ADAMTSL1: variants seen among roughly 807,000 people sequenced by gnomAD.
ADAMTSL1 encodes the protein ADAMTS like 1.
In ADAMTSL1, 126 loss-of-function variants were observed where a neutral mutation model predicts 201.8. The observed-to-expected ratio is 0.62, with a 90% confidence interval of 0.54 to 0.72. ADAMTSL1 has a LOEUF of 0.72. Among genes scored for constraint, ADAMTSL1 ranks in the 30% least tolerant of loss-of-function variants. The pLI, the probability that ADAMTSL1 is intolerant of heterozygous loss-of-function variation, is 0.00. For synonymous variants in ADAMTSL1, 1,121 were observed against 903.4 expected, an observed-to-expected ratio of 1.24 and a Z score of -4.32; for missense variants, 2,679 against 2,277.8, an observed-to-expected ratio of 1.18 and a Z score of -3.59.
At chr9:18,297,397 C>G (rs75857724) in intron 2 of ADAMTSL1, among the ~76,000 whole-genome samples, 135 of 151,386 alleles carry the variant, frequency 8.9e-4, no homozygotes, top group African/African-American at 3.2e-3. Context: ...CTGAAAATAG[C>G]CTACCAAAGA....
chr9:18,032,987 A>G (rs1358180415), intron 1 of ADAMTSL1, among the ~76,000 whole-genome samples: 3 of 152,080 alleles, frequency 2.0e-5, no homozygotes, highest in African/African-American at 7.2e-5. Flanking sequence ...TTCGAAATGT[A>G]ATCGTTTACT....
At chr9:18,828,274 A>G (rs1824720916) in intron 22 of ADAMTSL1, among the ~76,000 whole-genome samples, 1 of 152,150 alleles carries the variant, frequency 6.6e-6, no homozygotes, top group Non-Finnish European at 1.5e-5. Context: ...GAAAAGGAAA[A>G]TTACTTTCAA....
intron 4 of ADAMTSL1, among the ~76,000 whole-genome samples, chr9:18,602,524 T>C (rs560081597): frequency 6.6e-6 from 1 of 152,326 alleles, no homozygotes; most frequent in South Asian, 2.1e-4. Context: ...CTAATCTGGT[T>C]CTGATTTTGG....
chr9:18,774,113 C>T (rs1820845278), intron 17 of ADAMTSL1, among the ~76,000 whole-genome samples: 3 of 152,160 alleles, frequency 2.0e-5, no homozygotes, highest in African/African-American at 7.2e-5. Flanking sequence ...GTGGCACACT[C>T]CCACAGCCCT....
intron 1 of ADAMTSL1, among the ~76,000 whole-genome samples, chr9:17,935,165 C>G (rs936284669): frequency 6.6e-6 from 1 of 152,072 alleles, no homozygotes; most frequent in Non-Finnish European, 1.5e-5. Flanking sequence ...AGCTCTCCAT[C>G]CTCATTTCAC....
Position 18,661,921 on chromosome 9 carries a change from G to A in ADAMTSL1, c.947-14G>A. On this transcript the variant is annotated splice_polypyrimidine_tract_variant and intron_variant, in intron 8 of 28. Transcript: ENST00000380548. ...ATGTACATTTAAACTTGCCTGGATG[G>A]TTTGATACTACAGGTTATCAGCTGA... 1 of 1,609,768 alleles carries A rather than the reference G, an allele frequency of 6.2e-7. No individual in the cohort carries two copies. Among genetic ancestry groups the A allele is most frequent in the Non-Finnish European group, 8.5e-7 (1 of 1,178,470 alleles).
intron 13 of ADAMTSL1, among the ~76,000 whole-genome samples, chr9:18,700,685 A>C (rs1178236304): frequency 6.6e-6 from 1 of 152,164 alleles, no homozygotes; most frequent in Admixed American, 6.5e-5. Flanking sequence ...TTTACCAGTA[A>C]AGTATGTAAA....
intron 1 of ADAMTSL1, among the ~76,000 whole-genome samples, chr9:18,130,856 C>A (rs994444747): frequency 4.6e-5 from 7 of 152,066 alleles, no homozygotes; most frequent in African/African-American, 1.7e-4. Flanking sequence ...CAGGGCAGTC[C>A]ACCAGTGGTT....
At chr9:18,535,748 A>T (rs1444250556) in intron 3 of ADAMTSL1, among the ~76,000 whole-genome samples, 1 of 152,234 alleles carries the variant, frequency 6.6e-6, no homozygotes, top group Non-Finnish European at 1.5e-5. Context: ...TTCTTCACAG[A>T]TGTCAGGAGA....
intron 23 of ADAMTSL1, among the ~76,000 whole-genome samples, chr9:18,848,757 G>T (rs1302231673): frequency 6.6e-6 from 1 of 152,186 alleles, no homozygotes; most frequent in Non-Finnish European, 1.5e-5. Context: ...TGGCTATAAG[G>T]CCCCTGTTGC....
At chr9:18,584,264 C>T (rs781140863) in intron 4 of ADAMTSL1, among the ~76,000 whole-genome samples, 2 of 151,896 alleles carry the variant, frequency 1.3e-5, no homozygotes, top group African/African-American at 4.8e-5. Flanking sequence ...ATGAGTCTCA[C>T]GATATCTGAT....
chr9:18,495,483 T>G (rs9650689), intron 1 of ADAMTSL1, among the ~76,000 whole-genome samples: 2,178 of 152,274 alleles, frequency 0.014, 30 homozygotes, highest in Non-Finnish European at 0.022. Flanking sequence ...ACCTCCTAGA[T>G]AGCTAAGAGA....
In ADAMTSL1 at chr9:17,911,206, C is replaced by T. The variant is rs1369179634; in HGVS notation, c.87+4284C>T. Among the ~76,000 whole-genome samples the T allele has an allele frequency of 2.9e-5, 2 of 68,566 alleles. 1 individual carries two copies. The highest frequency in any genetic ancestry group is 8.9e-5 in the Non-Finnish European group (2 of 22,358). 45.0% of individuals were successfully genotyped at this position (68,566 alleles called of 152,430 possible). A position where few individuals can be genotyped will look rare whatever the true frequency, so the allele number is the denominator to read the frequency against. On this transcript the variant is annotated intron_variant, in intron 1 of 29. Transcript: ENST00000680146. Reference sequence around the variant, plus strand: ...ACTTCTTAAAGGATTCTTTTCTTTCCTTGCAACTTAAAGGCAACTCATTCC... The same window carrying T: ...ACTTCTTAAAGGATTCTTTTCTTTCTTTGCAACTTAAAGGCAACTCATTCC...
intron 1 of ADAMTSL1, among the ~76,000 whole-genome samples, chr9:18,159,440 C>T (rs1325829228): frequency 1.3e-5 from 2 of 151,992 alleles, no homozygotes; most frequent in Non-Finnish European, 2.9e-5. Flanking sequence ...CACAGCTCTT[C>T]CTCCTAGCCT....
chr9:18,546,658 G>A (rs1184642383), intron 3 of ADAMTSL1, among the ~76,000 whole-genome samples: 1 of 151,974 alleles, frequency 6.6e-6, no homozygotes, highest in Non-Finnish European at 1.5e-5. Context: ...ATATGACTAG[G>A]ATTTATTTAC....
intron 26 of ADAMTSL1, among the ~76,000 whole-genome samples, chr9:18,902,712 TAAACCTAACGCTAGCAGAAG>T (rs1278483294): frequency 1.3e-5 from 2 of 151,952 alleles, no homozygotes; most frequent in Non-Finnish European, 2.9e-5. Context: ...ATGAGCAAAC[TAAACCTAACGCTAGCAGAAG>T]AGGATAATAA....
intron 1 of ADAMTSL1, among the ~76,000 whole-genome samples, chr9:17,983,017 C>G (rs1474447779): frequency 1.3e-5 from 2 of 149,704 alleles, no homozygotes; most frequent in African/African-American, 2.5e-5. Context: ...TACTTCCTCC[C>G]TCCCCTTTTC....
intron 1 of ADAMTSL1, among the ~76,000 whole-genome samples, chr9:18,481,297 C>A (rs1219780158): frequency 6.6e-6 from 1 of 152,156 alleles, no homozygotes; most frequent in Non-Finnish European, 1.5e-5. Flanking sequence ...GTAATCCCAG[C>A]ACTCTGGGAG....
At chr9:18,221,003 G>T (rs1260755856) in intron 2 of ADAMTSL1, among the ~76,000 whole-genome samples, 2 of 151,996 alleles carry the variant, frequency 1.3e-5, no homozygotes, top group Admixed American at 6.6e-5. Context: ...TCAAACTCAT[G>T]AGCCTAAGAG....
Sources: allele counts gnomAD v4.1 joint callset (sites outside exome capture counted in the v4.1 genomes callset), GRCh38; gene constraint gnomAD v4.1.1; transcripts MANE v1.5; gene names NCBI Gene and HGNC (gene_info 2026-07-23, HGNC 2026-07-21).